Variants in STAC2 observed in about 807,000 individuals in gnomAD.
STAC2 encodes SH3 and cysteine-rich domain-containing protein 2.
Under a neutral mutation model 49.0 loss-of-function variants are expected in STAC2, and 36 were observed. The observed-to-expected ratio is 0.74, with a 90% CI of 0.56 to 0.97. The LOEUF is 0.97. Ranked by LOEUF, STAC2 falls within the 50% of genes least tolerant of loss-of-function variation. STAC2 has a pLI of 0.00. For synonymous variants in STAC2, 239 were observed against 214.7 expected (o/e 1.11, Z -0.99); for missense variants, 527 against 543.8 (o/e 0.97, Z 0.31).
At chr17:39,217,795 C>T (rs550729755) in intron 2 of STAC2, 72 bp downstream of exon 2, 28 of 1,460,482 alleles carry the variant, frequency 1.9e-5, no homozygotes, top group South Asian at 8.8e-5. Context: ...TAATATTGGG[C>T]GCAACATGAG....
chr17:39,220,385 TG>T (rs995622159), intron 1 of STAC2, among the ~76,000 whole-genome samples: 8 of 152,194 alleles, frequency 5.3e-5, no homozygotes, highest in African/African-American at 1.9e-4. Flanking sequence ...GTGCTGGGGC[TG>T]GGGGCAAAAC....
chr17:39,213,672 C>T (rs78234033), intron 8 of STAC2, 114 bp from the exon 9 acceptor site: 7,423 of 373,024 alleles, frequency 0.02, 344 homozygotes, highest in African/African-American at 0.14. Flanking sequence ...AGAGACGATT[C>T]TTTTTTTTTT....
At chr17:39,219,364 C>T (rs962071352) in intron 1 of STAC2, among the ~76,000 whole-genome samples, 6 of 152,156 alleles carry the variant, frequency 3.9e-5, no homozygotes, top group African/African-American at 1.4e-4. Flanking sequence ...CTTTATCCTG[C>T]CAATATGCTT....
chr17:39,219,112 G>A (rs918382238), intron 1 of STAC2, among the ~76,000 whole-genome samples: 1 of 152,102 alleles, frequency 6.6e-6, no homozygotes, highest in Non-Finnish European at 1.5e-5. Context: ...GGTGATGCCT[G>A]ATCCTGCTAA....
chr17:39,212,209 G>T lies in STAC2; in HGVS notation c.*83C>A. 1 of 1,008,592 alleles carries T rather than the reference G, an allele frequency of 9.9e-7. No individual in the cohort carries two copies. The highest frequency in any genetic ancestry group is 1.5e-6 in the Non-Finnish European group (1 of 660,742). 62.5% of individuals were successfully genotyped at this position (1,008,592 alleles called of 1,614,324 possible). A position where few individuals can be genotyped will look rare whatever the true frequency, so the allele number is the denominator to read the frequency against. On this transcript the variant is annotated 3_prime_UTR_variant, in exon 11 of 11. Coordinates refer to ENST00000333461, the MANE Select transcript of STAC2 (RefSeq NM_198993.5). The stretch of plus-strand genomic sequence containing the variant: ...ACAGAGGGAGGAAGGGTATGGAGTG[G>T]ACAAGGGGGCCTGATCCCCTCCCTG...
At chr17:39,216,664 G>A (rs546167806) in intron 4 of STAC2, 146 bp downstream of exon 4, 22 of 672,340 alleles carry the variant, frequency 3.3e-5, no homozygotes, top group East Asian at 1.4e-4. Flanking sequence ...GTGCAGTGGC[G>A]TGATCTTGGC....
intron 1 of STAC2, among the ~76,000 whole-genome samples, chr17:39,219,141 C>T (rs572009378): frequency 8.5e-5 from 13 of 152,250 alleles, no homozygotes; most frequent in African/African-American, 2.4e-4. Flanking sequence ...CCTAGCTCCT[C>T]GGGACACCGT....
intron 2 of STAC2, among the ~76,000 whole-genome samples, chr17:39,217,407 C>A (rs1244960628): frequency 6.6e-6 from 1 of 152,116 alleles, no homozygotes; most frequent in Non-Finnish European, 1.5e-5. Context: ...CTTGGTGGTG[C>A]TCCTCTCTCT....
intron 1 of STAC2, among the ~76,000 whole-genome samples, chr17:39,220,353 G>A (rs2046449343): frequency 6.6e-6 from 1 of 152,234 alleles, no homozygotes; most frequent in Admixed American, 6.5e-5. Flanking sequence ...CAGGCATGGA[G>A]CACACAGGGT....
intron 1 of STAC2, 26 bp from the exon 2 acceptor site, chr17:39,218,199 G>A (rs773073743): frequency 6.2e-7 from 1 of 1,612,744 alleles, no homozygotes; most frequent in South Asian, 1.1e-5. Context: ...GGAGCTGTGA[G>A]TGGGAGCCTA....
intron 2 of STAC2, 58 bp from the exon 3 acceptor site, chr17:39,217,231 G>T (rs571811924): frequency 1.7e-5 from 27 of 1,550,436 alleles, no homozygotes; most frequent in Admixed American, 3.4e-5. Flanking sequence ...AGGCAAAGGA[G>T]GGGCACATTA....
chr17:39,221,818 AG>A (rs1196660026), intron 1 of STAC2, among the ~76,000 whole-genome samples: 4 of 152,090 alleles, frequency 2.6e-5, no homozygotes, highest in African/African-American at 4.8e-5. Context: ...CAGCTGGGCC[AG>A]GGGCTTGTCC....
chr17:39,215,289 C>T (rs891768289), intron 4 of STAC2, 59 bp from the exon 5 acceptor site: 9 of 1,570,374 alleles, frequency 5.7e-6, no homozygotes, highest in African/African-American at 2.7e-5. Flanking sequence ...TCTCTAGTCC[C>T]GGCTCAGCAT....
chr17:39,225,728 C>A lies in STAC2; in HGVS notation c.-226G>T, dbSNP rs962518664. 9.1e-5 allele frequency: 52 copies of A among 574,208 alleles called. No individual in the cohort carries two copies. The highest frequency in any genetic ancestry group is 1.4e-4 in the Non-Finnish European group (47 of 324,848). The allele number at this position is 574,208 out of a possible 1,614,324, so 35.6% of individuals were successfully genotyped here. On this transcript the variant is annotated 5_prime_UTR_variant, in exon 1 of 11. Coordinates refer to ENST00000333461, the MANE Select transcript of STAC2 (RefSeq NM_198993.5). The surrounding 1 kb of genome is among the most constrained non-coding windows in gnomAD (Gnocchi z 8.2). ...CTGAGCCGCAGGAGCGGGACGACCC[C>A]GGGCGCGAGGACCGAGGGTCTGCAG...
At position 39,221,169 on chromosome 17, in the gene STAC2, C is replaced by T. The variant is rs570499307; in HGVS notation, c.91-2996G>A. 2.0e-5 allele frequency among the ~76,000 whole-genome samples: 3 copies of T among 152,114 alleles called. No homozygotes were observed. The East Asian group carries it at 5.8e-4, about 30-fold the overall frequency. On this transcript the variant is annotated intron_variant, in intron 1 of 10. Transcript: ENST00000333461. ...GGAGTGCAGTGGCACGGTCTCAGCT[C>T]ACTGTAACCTCCACCTCCCAGGTTC...
At position 39,212,384 on chromosome 17, in the gene STAC2, C is replaced by T. The variant is rs778648674; in HGVS notation, c.1144G>A (p.Val382Met). The T allele has an allele frequency of 5.5e-5, 89 of 1,608,104 alleles. No individual in the cohort carries two copies. In the East Asian group the frequency reaches 6.5e-4, roughly 12 times the overall value. ...CCGTCAGCATCCTTGCTTCTGCCCACGCCCACGCAGATCTGAGCCAGAGAG... is the reference window on the plus strand; with the variant it reads ...CCGTCAGCATCCTTGCTTCTGCCCATGCCCACGCAGATCTGAGCCAGAGAG... ...SLKENQICVGVGRSKDADGFI... is the reference protein window; with the variant it reads ...SLKENQICVGMGRSKDADGFI... The change falls in exon 11 of 11, where the codon GTG becomes ATG. Residue 382 changes from valine to methionine, a missense_variant. Coordinates refer to ENST00000333461, the MANE Select transcript of STAC2 (RefSeq NM_198993.5).
At chr17:39,223,636 A>G (rs1215776301) in intron 1 of STAC2, among the ~76,000 whole-genome samples, 2 of 152,138 alleles carry the variant, frequency 1.3e-5, no homozygotes, top group African/African-American at 4.8e-5. Flanking sequence ...CTGAGGCAGC[A>G]CTACCCCACA....
In STAC2 at chr17:39,219,728, A is replaced by G. The variant is rs144098160; in HGVS notation, c.91-1555T>C. Among the ~76,000 whole-genome samples, 5 of 152,192 alleles carry G rather than the reference A, an allele frequency of 3.3e-5. No individual in the cohort carries two copies. In the East Asian group the frequency reaches 9.7e-4, roughly 29 times the overall value. On this transcript the variant is annotated intron_variant, in intron 1 of 10. Coordinates refer to ENST00000333461, the MANE Select transcript of STAC2 (RefSeq NM_198993.5). ...TCCACCTCTCATTCAAACACACCCTACTGAGTCTTCCCAGAGAGAGGTCTG... is the reference window on the plus strand; with the variant it reads ...TCCACCTCTCATTCAAACACACCCTGCTGAGTCTTCCCAGAGAGAGGTCTG...
intron 10 of STAC2, 42 bp downstream of exon 10, chr17:39,212,953 C>T (rs200558850): frequency 7.2e-5 from 115 of 1,604,010 alleles, no homozygotes; most frequent in Non-Finnish European, 8.5e-6. Flanking sequence ...CGCCCACTCC[C>T]TCCCTCCGCC....
Sources: allele counts gnomAD v4.1 joint callset (sites outside exome capture counted in the v4.1 genomes callset), GRCh38; gene constraint gnomAD v4.1.1; non-coding constraint Gnocchi (gnomAD v3.1); transcripts MANE v1.5; gene names NCBI Gene and HGNC (gene_info 2026-07-23, HGNC 2026-07-21).